COL24A1: variants seen among roughly 807,000 people sequenced by gnomAD.
COL24A1 encodes the protein collagen type XXIV alpha 1 chain.
A neutral mutation model predicts 253.9 loss-of-function variants in COL24A1; 224 were observed. The ratio of observed to expected loss-of-function variants is 0.88; its 90% CI spans 0.79 to 0.99. COL24A1 has a LOEUF of 0.99. Ranked by LOEUF, COL24A1 falls within the 50% of genes least tolerant of loss-of-function variation. The probability of loss-of-function intolerance (pLI) is 0.00; values close to 1 mark genes in which losing one functional copy is unlikely to be tolerated. For missense variants in COL24A1, 2,131 were observed against 2,068.5 expected (o/e 1.03, Z -0.59); for synonymous variants, 685 against 673.7 (o/e 1.02, Z -0.26).
At chr1:86,096,549 A>G (rs1455360437) in intron 5 of COL24A1, among the ~76,000 whole-genome samples, 1 of 152,108 alleles carries the variant, frequency 6.6e-6, no homozygotes, top group South Asian at 2.1e-4. Context: ...TGTGGATCCT[A>G]CCACATTTTC....
Position 85,816,863 on chromosome 1 carries a change from T to C in COL24A1, c.3876A>G (p.Ile1292Met). The change falls in exon 47 of 60, where the codon ATA becomes ATG. Residue 1292 changes from isoleucine to methionine, a missense_variant. Transcript: ENST00000370571. Reference sequence around the variant, plus strand: ...TGCCATCTGCTCCATGGTATCCTTGTATGCCTTTTGGCCCAAGTAGGCCTT... The same window carrying C: ...TGCCATCTGCTCCATGGTATCCTTGCATGCCTTTTGGCCCAAGTAGGCCTT... ...GLQGLLGPKGIQGYHGADGIS... is the reference protein window; with the variant it reads ...GLQGLLGPKGMQGYHGADGIS... 1 of 1,614,054 alleles carries C rather than the reference T, an allele frequency of 6.2e-7. No individual in the cohort carries two copies. The highest frequency in any genetic ancestry group is 8.5e-7 in the Non-Finnish European group (1 of 1,179,908).
At chr1:85,780,026 G>C (rs570169428) in intron 52 of COL24A1, among the ~76,000 whole-genome samples, 3 of 152,066 alleles carry the variant, frequency 2.0e-5, no homozygotes, top group Non-Finnish European at 4.4e-5. Context: ...ATTTTTGACA[G>C]AGGAGAAAAA....
intron 52 of COL24A1, among the ~76,000 whole-genome samples, chr1:85,777,696 G>A (rs75371830): frequency 0.096 from 14,586 of 152,130 alleles, 854 homozygotes; most frequent in Middle Eastern, 0.17. Context: ...AAGTGGAACT[G>A]TTTTGTTAAA....
chr1:85,744,518 G>C (rs898216577), intron 57 of COL24A1, 148 bp downstream of exon 57: 10 of 624,298 alleles, frequency 1.6e-5, no homozygotes, highest in Non-Finnish European at 2.4e-5. Flanking sequence ...CCCTCATAGA[G>C]AATTTTATTC....
chr1:85,861,944 G>A (rs756409692), intron 37 of COL24A1, among the ~76,000 whole-genome samples: 3 of 152,030 alleles, frequency 2.0e-5, no homozygotes, highest in Non-Finnish European at 4.4e-5. Context: ...GGCCATTGCT[G>A]CTTCATCTAT....
intron 24 of COL24A1, among the ~76,000 whole-genome samples, chr1:85,916,964 ATTAT>A (rs1454482533): frequency 1.3e-5 from 2 of 152,208 alleles, no homozygotes; most frequent in African/African-American, 4.8e-5. Flanking sequence ...TCATTGCTGT[ATTAT>A]TTAAGTACAA....
intron 5 of COL24A1, among the ~76,000 whole-genome samples, chr1:86,100,471 A>G (rs1290939300): frequency 6.6e-6 from 1 of 152,026 alleles, no homozygotes; most frequent in Non-Finnish European, 1.5e-5. Flanking sequence ...TGGTATAATA[A>G]AATATATATA....
At chr1:86,020,302 G>C (rs373880518) in intron 18 of COL24A1, among the ~76,000 whole-genome samples, 1 of 151,894 alleles carries the variant, frequency 6.6e-6, no homozygotes, top group Non-Finnish European at 1.5e-5. Flanking sequence ...TCCTGACCTC[G>C]TGATCCACCC....
At chr1:86,032,012 A>C in intron 13 of COL24A1, 90 bp from the exon 14 acceptor site, 2 of 1,001,892 alleles carry the variant, frequency 2.0e-6, no homozygotes, top group Non-Finnish European at 3.0e-6. Context: ...TTTCTAGCTA[A>C]GAATACATCA....
intron 47 of COL24A1, among the ~76,000 whole-genome samples, chr1:85,812,429 G>A (rs988781168): frequency 6.6e-6 from 1 of 152,208 alleles, no homozygotes; most frequent in Non-Finnish European, 1.5e-5. Flanking sequence ...GTTTCAGGCT[G>A]CATTAGAGCT....
intron 35 of COL24A1, 26 bp from the exon 36 acceptor site, chr1:85,868,861 TTGAG>T (rs1558460790): frequency 1.3e-6 from 2 of 1,532,220 alleles, no homozygotes; most frequent in East Asian, 4.6e-5. Context: ...AAGAGTATGA[TTGAG>T]TTTTTTTTTG....
chr1:86,010,778 G>A (rs556276991), intron 19 of COL24A1, among the ~76,000 whole-genome samples: 2 of 152,120 alleles, frequency 1.3e-5, no homozygotes, highest in South Asian at 2.1e-4. Context: ...TACATAAAGA[G>A]CTCCATGAAT....
At chr1:85,842,318 T>A in intron 40 of COL24A1, 22 bp downstream of exon 40, 1 of 1,534,908 alleles carries the variant, frequency 6.5e-7, no homozygotes, top group Non-Finnish European at 8.9e-7. Flanking sequence ...GTGAATATAT[T>A]TTTTCAATTA....
intron 6 of COL24A1, among the ~76,000 whole-genome samples, chr1:86,091,608 C>T (rs775575030): frequency 6.6e-6 from 1 of 152,120 alleles, no homozygotes; most frequent in Non-Finnish European, 1.5e-5. Context: ...CACTAGAAAA[C>T]AGTATCCTTC....
At chr1:85,801,648 C>T (rs1671446654) in intron 47 of COL24A1, among the ~76,000 whole-genome samples, 2 of 152,146 alleles carry the variant, frequency 1.3e-5, no homozygotes, top group Non-Finnish European at 2.9e-5. Flanking sequence ...TTAACCCTTT[C>T]TACATTTCTG....
intron 37 of COL24A1, among the ~76,000 whole-genome samples, chr1:85,864,541 A>T (rs1170025767): frequency 6.6e-6 from 1 of 152,142 alleles, no homozygotes. Flanking sequence ...TAAAGTATAT[A>T]TATAAAAAAT....
Position 85,909,933 on chromosome 1 carries a change from A to G in COL24A1, c.2670+17T>C. The G allele has an allele frequency of 6.2e-7, 1 of 1,602,326 alleles. No homozygotes were observed. Among genetic ancestry groups the G allele is most frequent in the South Asian group, 1.1e-5 (1 of 90,754 alleles). On this transcript the variant is annotated intron_variant, in intron 26 of 59. Coordinates refer to ENST00000370571, the MANE Select transcript of COL24A1 (RefSeq NM_152890.7). ...GCATTCTTTGGAAACATATTTTTCA[A>G]ATCACTGAGCTCTTACCATAACACC...
At chr1:85,799,808 T>A (rs1201232154) in intron 47 of COL24A1, among the ~76,000 whole-genome samples, 1 of 152,216 alleles carries the variant, frequency 6.6e-6, no homozygotes, top group East Asian at 1.9e-4. Flanking sequence ...TAAGTATGCA[T>A]GTAAAATTTG....
intron 47 of COL24A1, among the ~76,000 whole-genome samples, chr1:85,788,164 C>T (rs1669880190): frequency 6.6e-6 from 1 of 152,022 alleles, no homozygotes; most frequent in Non-Finnish European, 1.5e-5. Context: ...GATCTCGGCT[C>T]ACTGCAAGCT....
Sources: gnomAD v4.1 joint callset for allele counts (sites outside exome capture counted in the v4.1 genomes callset) on GRCh38, gnomAD v4.1.1 for gene constraint, MANE v1.5 for transcripts, NCBI Gene and HGNC (gene_info 2026-07-23, HGNC 2026-07-21) for gene names.